Variants in CDH23 observed in about 807,000 individuals in gnomAD.
The protein encoded by CDH23 is cadherin related 23, also known as cadherin-23.
In CDH23, 189 loss-of-function variants were observed where a neutral mutation model predicts 317.1. The observed-to-expected ratio is 0.60, with a 90% CI of 0.53 to 0.67. The LOEUF (loss-of-function observed/expected upper bound fraction) is 0.67, where lower values mean the gene tolerates loss of function less well. Among genes scored for constraint, CDH23 ranks in the 30% least tolerant of loss-of-function variants. CDH23 has a pLI of 0.00. For missense variants in CDH23, 4,401 were observed against 4,592.4 expected (o/e 0.96, Z 1.20); for synonymous variants, 1,839 against 1,876.8 (o/e 0.98, Z 0.52).
chr10:71,755,104 A>C (rs1210419269), intron 38 of CDH23: 4 of 634,084 alleles, frequency 6.3e-6, no homozygotes, highest in Non-Finnish European at 1.2e-5. Context: ...TTCATTCAGA[A>C]GACATGTATT....
chr10:71,642,902 A>G (rs1862629899), intron 11 of CDH23, among the ~76,000 whole-genome samples: 1 of 152,142 alleles, frequency 6.6e-6, no homozygotes, highest in African/African-American at 2.4e-5. Context: ...GGGAATCTTC[A>G]CCACCTGAGG....
At chr10:71,430,547 G>A (rs1048858871) in intron 1 of CDH23, among the ~76,000 whole-genome samples, 1 of 152,182 alleles carries the variant, frequency 6.6e-6, no homozygotes, top group South Asian at 2.1e-4. Context: ...AGTGGCTCAC[G>A]CCTGTAATCC....
At chr10:71,681,350 T>A (rs988414951) in intron 17 of CDH23, among the ~76,000 whole-genome samples, 3 of 152,114 alleles carry the variant, frequency 2.0e-5, no homozygotes, top group Non-Finnish European at 4.4e-5. Flanking sequence ...CAGTTGAGAA[T>A]CAATGGCTTA....
chr10:71,539,396 G>C (rs1421176574), intron 6 of CDH23, among the ~76,000 whole-genome samples: 1 of 152,096 alleles, frequency 6.6e-6, no homozygotes, highest in East Asian at 1.9e-4. Context: ...AAAAATCAGA[G>C]GTGTCAGCTT....
intron 11 of CDH23, chr10:71,617,687 A>G (rs527420280): frequency 2.7e-6 from 1 of 374,740 alleles, no homozygotes; most frequent in African/African-American, 2.2e-5. Flanking sequence ...TAAAGCATGT[A>G]CAAAAATAGC....
At chr10:71,670,918 T>C (rs931142292) in intron 14 of CDH23, among the ~76,000 whole-genome samples, 5 of 150,580 alleles carry the variant, frequency 3.3e-5, no homozygotes, top group African/African-American at 1.2e-4. Context: ...GGGAGGAGCC[T>C]GGAGCACAGT....
chr10:71,807,599 ATCT>A lies in CDH23; in HGVS notation c.8396_8398del (p.Phe2799del). 6.2e-7 allele frequency: 1 copy of A among 1,614,002 alleles called. No individual in the cohort carries two copies. The highest frequency in any genetic ancestry group is 8.5e-7 in the Non-Finnish European group (1 of 1,179,884). ...GGACCTGGACCGGGAGCGAGAAGCC[ATCT>A]TCTCCTTCATCGTCAAGGCCTCCAG... On this transcript the variant is annotated inframe_deletion, in exon 59 of 70. Transcript: ENST00000224721.
chr10:71,670,892 A>G (rs1169998694), intron 14 of CDH23, among the ~76,000 whole-genome samples: 1 of 151,876 alleles, frequency 6.6e-6, no homozygotes, highest in African/African-American at 2.4e-5. Context: ...GGCAACAGAG[A>G]CACAGAAACA....
rs1243897981 is a variant in CDH23 at position 71,427,217 on chromosome 10, GAA to G, written c.-5-12608_-5-12607del. 4.4e-3 allele frequency among the ~76,000 whole-genome samples: 315 copies of G among 72,394 alleles called. 10 individuals are homozygous for G. In the Middle Eastern group the frequency reaches 0.05, roughly 11 times the overall value. The allele number at this position is 72,394 out of a possible 152,430, so 47.5% of individuals were successfully genotyped here. ...AAAGAGAAAGAAAGAAAGAAAGAAA[GAA>G]AGAAAGAAAGAAAGAAAGAAAGAAA... On this transcript the variant is annotated intron_variant, in intron 1 of 69. Transcript: ENST00000224721.
At position 71,645,858 on chromosome 10, in the gene CDH23, T is replaced by C. The variant is rs369803887; in HGVS notation, c.1168T>C (p.Leu390=). 61 of 1,612,700 alleles carry C rather than the reference T, an allele frequency of 3.8e-5. No homozygotes were observed. Among genetic ancestry groups the C allele is most frequent in the Non-Finnish European group, 4.1e-5 (48 of 1,178,972 alleles). Residue 390 remains leucine (L), a synonymous_variant, in exon 13 of 70, where the codon TTG becomes CTG. Coordinates refer to ENST00000224721, the MANE Select transcript of CDH23 (RefSeq NM_022124.6). ...CCTGAACAGCATGTTTGAGGTGTAC[T>C]TGGTGGGGAACAACTCCCACCACTT... ...LGLNSMFEVY[L]VGNNSHHFII... is the part of the protein sequence containing the mutation.
Position 71,657,793 on chromosome 10 carries a change from C to T in CDH23, c.1449+11176C>T, listed in dbSNP as rs568795778. Among the ~76,000 whole-genome samples, 36 of 151,624 alleles carry T rather than the reference C, an allele frequency of 2.4e-4. 1 individual carries two copies. The highest frequency in any genetic ancestry group is 1.2e-3 in the South Asian group (6 of 4,808). Reference sequence around the variant, plus strand: ...TCTCATTGTTCTCAAACCCTTGAGACCTGAGACTCCAGCTGTGCTTAAACA... The same window carrying T: ...TCTCATTGTTCTCAAACCCTTGAGATCTGAGACTCCAGCTGTGCTTAAACA... On this transcript the variant is annotated intron_variant, in intron 14 of 69. Coordinates refer to ENST00000224721, the MANE Select transcript of CDH23 (RefSeq NM_022124.6).
chr10:71,444,334 T>C (rs1284751254), intron 2 of CDH23, among the ~76,000 whole-genome samples: 1 of 152,176 alleles, frequency 6.6e-6, no homozygotes, highest in Non-Finnish European at 1.5e-5. Flanking sequence ...AACTGAGACA[T>C]GGGATGATCA....
chr10:71,731,035 T>C (rs552146255), intron 31 of CDH23, among the ~76,000 whole-genome samples: 1 of 152,302 alleles, frequency 6.6e-6, no homozygotes, highest in South Asian at 2.1e-4. Context: ...CCTGACCCTG[T>C]ACAAGGGGCA....
At chr10:71,407,606 C>A (rs1848153949) in intron 1 of CDH23, among the ~76,000 whole-genome samples, 1 of 152,208 alleles carries the variant, frequency 6.6e-6, no homozygotes, top group Admixed American at 6.5e-5. Context: ...CCACACCTTT[C>A]CCCGCCATTG....
At chr10:71,619,580 A>T (rs1861367206) in intron 11 of CDH23, among the ~76,000 whole-genome samples, 1 of 152,216 alleles carries the variant, frequency 6.6e-6, no homozygotes, top group Admixed American at 6.5e-5. Context: ...GTCCAGGTCC[A>T]GTGACCACAG....
chr10:71,636,540 A>G (rs574458417), intron 11 of CDH23, among the ~76,000 whole-genome samples: 199 of 152,284 alleles, frequency 1.3e-3, no homozygotes, highest in Non-Finnish European at 2.1e-4. Context: ...ATTAATGGGC[A>G]TTACGGGCCT....
intron 14 of CDH23, among the ~76,000 whole-genome samples, chr10:71,662,094 C>T (rs1332305837): frequency 6.6e-6 from 1 of 151,544 alleles, no homozygotes; most frequent in Non-Finnish European, 1.5e-5. Context: ...GGGACTTTGA[C>T]CTTAATTTCT....
At chr10:71,467,309 G>A (rs920227143) in intron 3 of CDH23, among the ~76,000 whole-genome samples, 2 of 152,190 alleles carry the variant, frequency 1.3e-5, no homozygotes, top group African/African-American at 4.8e-5. Flanking sequence ...TCAGGCTTCC[G>A]TGTGCATGAG....
intron 34 of CDH23, among the ~76,000 whole-genome samples, 194 bp downstream of exon 34, chr10:71,734,852 ACTCTGTC>A (rs1839510764): frequency 6.6e-6 from 1 of 152,024 alleles, no homozygotes; most frequent in Non-Finnish European, 1.5e-5. Flanking sequence ...CCTGCCTCCA[ACTCTGTC>A]CTCTGTGTCT....
Sources: allele counts gnomAD v4.1 joint callset (sites outside exome capture counted in the v4.1 genomes callset), GRCh38; gene constraint gnomAD v4.1.1; transcripts MANE v1.5; gene names NCBI Gene and HGNC (gene_info 2026-07-23, HGNC 2026-07-21).